Variants in CCDC192 observed in about 807,000 individuals in gnomAD.
CCDC192 encodes the protein coiled-coil domain-containing protein 192.
At chr5:127,821,473 A>G (rs981029542) in intron 5 of CCDC192, among the ~76,000 whole-genome samples, 3 of 152,230 alleles carry the variant, frequency 2.0e-5, no homozygotes, top group African/African-American at 7.2e-5. Context: ...TGGAGAATTC[A>G]ACTTTCTAAG....
At chr5:127,852,043 C>G (rs142488194) in intron 5 of CCDC192, among the ~76,000 whole-genome samples, 1 of 152,160 alleles carries the variant, frequency 6.6e-6, no homozygotes, top group Admixed American at 6.5e-5. Context: ...TAAATGTGAA[C>G]ACTAGTTTTA....
chr5:127,812,625 G>A (rs904286100), intron 5 of CCDC192, among the ~76,000 whole-genome samples: 4 of 152,122 alleles, frequency 2.6e-5, no homozygotes, highest in African/African-American at 9.7e-5. Context: ...ACATGTCCCT[G>A]TTGAGCCCAA....
chr5:127,775,504 G>A (rs1288897789), intron 3 of CCDC192, among the ~76,000 whole-genome samples: 1 of 152,168 alleles, frequency 6.6e-6, no homozygotes, highest in African/African-American at 2.4e-5. Flanking sequence ...CCCCTGTGGT[G>A]TAGCATGCTA....
chr5:127,711,388 G>A (rs1751326114), intron 2 of CCDC192, among the ~76,000 whole-genome samples: 1 of 152,118 alleles, frequency 6.6e-6, no homozygotes, highest in African/African-American at 2.4e-5. Flanking sequence ...TAATTTGTAA[G>A]ATCAAATAAT....
At chr5:127,842,190 C>T (rs1218506975) in intron 5 of CCDC192, among the ~76,000 whole-genome samples, 4 of 152,198 alleles carry the variant, frequency 2.6e-5, no homozygotes, top group Non-Finnish European at 1.5e-5. Flanking sequence ...CTGCTATCCC[C>T]ATCTTGAAAT....
At chr5:127,780,637 A>G (rs1283719735) in intron 3 of CCDC192, among the ~76,000 whole-genome samples, 1 of 152,026 alleles carries the variant, frequency 6.6e-6, no homozygotes, top group East Asian at 1.9e-4. Context: ...AGAATCGTCT[A>G]TTCATGTCTG....
intron 5 of CCDC192, among the ~76,000 whole-genome samples, chr5:127,829,609 A>G (rs1749692305): frequency 6.6e-6 from 1 of 152,236 alleles, no homozygotes; most frequent in African/African-American, 2.4e-5. Flanking sequence ...AAAAAATGAA[A>G]TAGTTCCAAT....
chr5:127,795,832 C>A (rs935572471), intron 3 of CCDC192, among the ~76,000 whole-genome samples: 6 of 152,012 alleles, frequency 3.9e-5, no homozygotes, highest in African/African-American at 1.4e-4. Context: ...TATACTGTGT[C>A]TCTAATAAAA....
rs1327170785 is a variant in CCDC192 at position 127,921,430 on chromosome 5, C to T, written c.536-19752C>T. Among the ~76,000 whole-genome samples the T allele has an allele frequency of 5.9e-5, 9 of 152,326 alleles. 1 individual carries two copies. Among genetic ancestry groups the T allele is most frequent in the Middle Eastern group, 3.4e-3 (1 of 294 alleles). On this transcript the variant is annotated intron_variant, in intron 6 of 6. Transcript: ENST00000514853. ...AATTTAACTCAACAAGAATTTAGCA[C>T]TTACCATGTACCCACTATCTGGCAA...
chr5:127,773,188 T>A (rs1755661970), intron 3 of CCDC192, among the ~76,000 whole-genome samples: 1 of 152,318 alleles, frequency 6.6e-6, no homozygotes, highest in Non-Finnish European at 1.5e-5. Flanking sequence ...TCCAATTTTG[T>A]GATGTTTTTT....
chr5:127,765,532 A>C (rs1561475633), intron 3 of CCDC192, among the ~76,000 whole-genome samples: 1 of 152,212 alleles, frequency 6.6e-6, no homozygotes, highest in Non-Finnish European at 1.5e-5. Flanking sequence ...TAAAGTCCCC[A>C]GTAATTTTTA....
At chr5:127,844,816 A>T (rs999790036) in intron 5 of CCDC192, among the ~76,000 whole-genome samples, 4 of 152,228 alleles carry the variant, frequency 2.6e-5, no homozygotes, top group African/African-American at 9.7e-5. Context: ...CTGGCAGCTG[A>T]CACCGTCAGC....
At chr5:127,710,799 G>A (rs1452139053) in intron 2 of CCDC192, among the ~76,000 whole-genome samples, 2 of 152,088 alleles carry the variant, frequency 1.3e-5, no homozygotes, top group African/African-American at 4.8e-5. Flanking sequence ...GGAGATTCAA[G>A]GAGCTCCAGA....
intron 5 of CCDC192, chr5:127,857,692 G>A (rs907956666): frequency 6.6e-6 from 1 of 152,152 alleles, no homozygotes; most frequent in Admixed American, 6.5e-5. Flanking sequence ...AGTTGATGTA[G>A]TTTTCAGTTC....
At chr5:127,803,416 T>C (rs888575573) in intron 5 of CCDC192, among the ~76,000 whole-genome samples, 1 of 152,196 alleles carries the variant, frequency 6.6e-6, no homozygotes, top group Non-Finnish European at 1.5e-5. Context: ...CCTCCCATGA[T>C]TACTTATCCG....
chr5:127,785,927 T>G, intron 3 of CCDC192: 1 of 450,026 alleles, frequency 2.2e-6, no homozygotes. Flanking sequence ...ATGCATTTTT[T>G]ATGAAGGTCA....
chr5:127,711,750 A>G (rs767194128), intron 2 of CCDC192, among the ~76,000 whole-genome samples: 12 of 152,212 alleles, frequency 7.9e-5, no homozygotes, highest in Non-Finnish European at 1.5e-4. Context: ...TGAGAACAAT[A>G]TAAAATTGTA....
chr5:127,785,769 A>T lies in CCDC192; in HGVS notation c.223-11334A>T, dbSNP rs368267113. 3 of 245,436 alleles carry T rather than the reference A, an allele frequency of 1.2e-5. No individual in the cohort carries two copies. In the East Asian group the frequency reaches 3.4e-4, roughly 27 times the overall value. The allele number at this position is 245,436 out of a possible 1,614,324, so 15.2% of individuals were successfully genotyped here. ...TTCTTGGAACTTTTCTTCAAGAACGAGTCATAGTATTGAGCCAATGACTCA... is the reference window on the plus strand; with the variant it reads ...TTCTTGGAACTTTTCTTCAAGAACGTGTCATAGTATTGAGCCAATGACTCA... On this transcript the variant is annotated intron_variant, in intron 3 of 6. Coordinates refer to ENST00000514853, the MANE Select transcript of CCDC192 (RefSeq NM_001317938.2).
intron 5 of CCDC192, chr5:127,838,781 C>T (rs1248287710): frequency 1.3e-5 from 2 of 152,196 alleles, no homozygotes; most frequent in Non-Finnish European, 2.9e-5. Context: ...ATTCACTCTT[C>T]CTGTGTATCC....
Sources: allele counts gnomAD v4.1 joint callset (sites outside exome capture counted in the v4.1 genomes callset), GRCh38; gene constraint gnomAD v4.1.1; transcripts MANE v1.5; gene names NCBI Gene and HGNC (gene_info 2026-07-23, HGNC 2026-07-21).